Variants in APP observed in about 807,000 individuals in gnomAD.
The protein encoded by APP is amyloid beta precursor protein, also known as amyloid-beta precursor protein.
In APP, 31 loss-of-function variants were observed where a neutral mutation model predicts 101.4. The ratio of observed to expected loss-of-function variants is 0.31; its 90% CI spans 0.23 to 0.41. The LOEUF (loss-of-function observed/expected upper bound fraction) is 0.41, where lower values mean the gene tolerates loss of function less well. Ranked by LOEUF, APP falls within the 10% of genes least tolerant of loss-of-function variation. APP has a pLI of 1.00. For synonymous variants in APP, 366 were observed against 364.4 expected, an observed-to-expected ratio of 1.00 and a Z score of -0.05; for missense variants, 839 against 1,003.7, an observed-to-expected ratio of 0.84 and a Z score of 2.22.
At chr21:25,970,679 C>T (rs128648) in intron 11 of APP, among the ~76,000 whole-genome samples, 63,250 of 152,056 alleles carry the variant, frequency 0.42, 15,918 homozygotes, top group African/African-American at 0.7. Context: ...AGAGGAAGCT[C>T]GTTCTAGTGA....
chr21:25,962,825 G>A (rs924871432), intron 11 of APP, among the ~76,000 whole-genome samples: 1 of 152,032 alleles, frequency 6.6e-6, no homozygotes. Context: ...ACACGGTTTT[G>A]GAGATGGAGT....
intron 13 of APP, among the ~76,000 whole-genome samples, chr21:25,925,421 T>C (rs998651773): frequency 6.6e-6 from 1 of 152,160 alleles, no homozygotes; most frequent in Non-Finnish European, 1.5e-5. Context: ...TTGTCTGTAC[T>C]CTTGCTACAT....
intron 13 of APP, among the ~76,000 whole-genome samples, chr21:25,952,482 C>A (rs146007171): frequency 6.6e-6 from 1 of 151,756 alleles, no homozygotes; most frequent in Non-Finnish European, 1.5e-5. Flanking sequence ...TATTCTTGGG[C>A]ATTTCGTAAT....
intron 3 of APP, among the ~76,000 whole-genome samples, chr21:26,069,825 G>C (rs908926179): frequency 1.3e-5 from 2 of 152,088 alleles, no homozygotes; most frequent in African/African-American, 4.8e-5. Context: ...AAAAGATGCA[G>C]AACTATTTAG....
intron 8 of APP, among the ~76,000 whole-genome samples, chr21:25,985,354 G>A (rs560784164): frequency 6.6e-5 from 10 of 152,240 alleles, no homozygotes; most frequent in South Asian, 6.2e-4. Context: ...GATTAGCATC[G>A]GAATTGGTGC....
At chr21:26,055,324 CAGAGA>C (rs1475125412) in intron 3 of APP, among the ~76,000 whole-genome samples, 14 of 151,988 alleles carry the variant, frequency 9.2e-5, no homozygotes, top group African/African-American at 3.4e-4. Context: ...AACCTAGCCC[CAGAGA>C]TAAGCATTAA....
chr21:25,893,573 C>G (rs2037833783), intron 16 of APP, among the ~76,000 whole-genome samples: 1 of 152,204 alleles, frequency 6.6e-6, no homozygotes, highest in South Asian at 2.1e-4. Flanking sequence ...ATCAAACCAA[C>G]CACAACATTC....
intron 11 of APP, among the ~76,000 whole-genome samples, chr21:25,957,872 T>C (rs143915888): frequency 2.0e-5 from 3 of 152,198 alleles, no homozygotes; most frequent in African/African-American, 7.2e-5. Flanking sequence ...CAGTTCCAGC[T>C]ACTTGGGAAG....
At chr21:26,093,399 G>A (rs1355297043) in intron 2 of APP, among the ~76,000 whole-genome samples, 4 of 152,100 alleles carry the variant, frequency 2.6e-5, no homozygotes, top group South Asian at 2.1e-4. Flanking sequence ...AGGAGTCATC[G>A]GTTTTCTATA....
At chr21:25,998,842 A>G (rs900619594) in intron 7 of APP, among the ~76,000 whole-genome samples, 1 of 152,230 alleles carries the variant, frequency 6.6e-6, no homozygotes, top group Non-Finnish European at 1.5e-5. Context: ...TTCACTTGGA[A>G]GTCTGTTAAC....
At chr21:25,884,367 C>G (rs1202659978) in intron 17 of APP, among the ~76,000 whole-genome samples, 1 of 152,216 alleles carries the variant, frequency 6.6e-6, no homozygotes, top group Non-Finnish European at 1.5e-5. Flanking sequence ...GGCCAGTACT[C>G]AGAGGACTCT....
At chr21:25,975,547 C>T (rs1173113535) in intron 10 of APP, among the ~76,000 whole-genome samples, 1 of 151,914 alleles carries the variant, frequency 6.6e-6, no homozygotes, top group Non-Finnish European at 1.5e-5. Context: ...AAAAAAAATC[C>T]CTCTCTTACT....
chr21:26,126,794 G>A (rs1056136307), intron 1 of APP, among the ~76,000 whole-genome samples: 1 of 152,088 alleles, frequency 6.6e-6, no homozygotes, highest in Non-Finnish European at 1.5e-5. Flanking sequence ...TACTTAGGGG[G>A]AAAGAGTCAT....
intron 13 of APP, chr21:25,945,846 G>C (rs2040793252): frequency 4.4e-6 from 2 of 453,072 alleles, no homozygotes; most frequent in Non-Finnish European, 8.8e-6. Flanking sequence ...ATGTTATCAT[G>C]CCTGGATAAT....
intron 11 of APP, among the ~76,000 whole-genome samples, chr21:25,959,491 G>C (rs1231769411): frequency 6.6e-6 from 1 of 152,206 alleles, no homozygotes; most frequent in African/African-American, 2.4e-5. Flanking sequence ...GGTTAGAAAA[G>C]ACAGTCTGTT....
At chr21:26,074,736 G>A (rs1374999596) in intron 3 of APP, among the ~76,000 whole-genome samples, 1 of 141,876 alleles carries the variant, frequency 7.0e-6, no homozygotes, top group Non-Finnish European at 1.5e-5. Context: ...GGGTGACAGA[G>A]AGACTGTGTC....
intron 13 of APP, among the ~76,000 whole-genome samples, chr21:25,952,005 G>A (rs216780): frequency 0.93 from 140,842 of 152,222 alleles, 65,224 homozygotes; most frequent in African/African-American, 0.94. Context: ...TACAGGGTTC[G>A]TTATTGCAAA....
At chr21:26,099,673 A>G (rs1406246539) in intron 2 of APP, among the ~76,000 whole-genome samples, 2 of 152,230 alleles carry the variant, frequency 1.3e-5, no homozygotes, top group Non-Finnish European at 2.9e-5. Flanking sequence ...TATTCTCAAC[A>G]AAAATTCTTT....
intron 1 of APP, among the ~76,000 whole-genome samples, chr21:26,114,949 G>C: frequency 6.6e-6 from 1 of 151,966 alleles, no homozygotes; most frequent in East Asian, 1.9e-4. Context: ...ACCAAAAAGT[G>C]GTAATTTTTA....
Sources: allele counts gnomAD v4.1 joint callset (sites outside exome capture counted in the v4.1 genomes callset), GRCh38; gene constraint gnomAD v4.1.1; transcripts MANE v1.5; gene names NCBI Gene and HGNC (gene_info 2026-07-23, HGNC 2026-07-21).